The following CNBD1 variants were observed in gnomAD, a reference collection of about 807,000 sequenced individuals.
CNBD1 encodes cyclic nucleotide binding domain containing 1.
In CNBD1, 71 loss-of-function variants were observed where a neutral mutation model predicts 54.4. That is an observed-to-expected ratio of 1.30 (90% CI 1.08 to 1.59). The LOEUF (loss-of-function observed/expected upper bound fraction) is 1.59, where lower values mean the gene tolerates loss of function less well. Among genes scored for constraint, CNBD1 ranks in the 40% most tolerant of loss-of-function variants. The probability of loss-of-function intolerance (pLI) is 0.00; values close to 1 mark genes in which losing one functional copy is unlikely to be tolerated. For missense variants in CNBD1, 659 were observed against 518.0 expected, an observed-to-expected ratio of 1.27 and a Z score of -2.64; for synonymous variants, 182 against 170.7, an observed-to-expected ratio of 1.07 and a Z score of -0.51.
chr8:86,886,595 A>T (rs1333362387), intron 1 of CNBD1, among the ~76,000 whole-genome samples: 1 of 152,200 alleles, frequency 6.6e-6, no homozygotes, highest in African/African-American at 2.4e-5. Context: ...AGGATCACAA[A>T]ATTTTTATAC....
At chr8:87,396,638 C>G (rs1389369160) in intron 2 of CNBD1, among the ~76,000 whole-genome samples, 2 of 151,750 alleles carry the variant, frequency 1.3e-5, no homozygotes, top group African/African-American at 4.8e-5. Flanking sequence ...TCCAGTTCTA[C>G]TATAACCTAT....
At chr8:87,355,864 G>A (rs1047547706) in intron 10 of CNBD1, among the ~76,000 whole-genome samples, 1 of 152,080 alleles carries the variant, frequency 6.6e-6, no homozygotes, top group African/African-American at 2.4e-5. Flanking sequence ...CAGCCTAATG[G>A]GAGGTTTTTG....
intron 2 of CNBD1, among the ~76,000 whole-genome samples, chr8:87,425,150 G>A (rs958154665): frequency 8.6e-5 from 13 of 152,046 alleles, no homozygotes; most frequent in South Asian, 8.3e-4. Flanking sequence ...CGTAGTTCTC[G>A]GGCCTTGGTT....
At chr8:87,067,164 G>T (rs1399383253) in intron 4 of CNBD1, among the ~76,000 whole-genome samples, 1 of 151,958 alleles carries the variant, frequency 6.6e-6, no homozygotes, top group African/African-American at 2.4e-5. Flanking sequence ...CAATTGTTTA[G>T]AGATAGAATG....
At chr8:87,001,063 A>G (rs1047816706) in intron 4 of CNBD1, among the ~76,000 whole-genome samples, 4 of 152,016 alleles carry the variant, frequency 2.6e-5, no homozygotes, top group African/African-American at 9.7e-5. Flanking sequence ...ACAAACAATT[A>G]TCATTATATT....
At chr8:87,226,849 C>T (rs1219935238) in intron 5 of CNBD1, among the ~76,000 whole-genome samples, 1 of 151,238 alleles carries the variant, frequency 6.6e-6, no homozygotes, top group Non-Finnish European at 1.5e-5. Flanking sequence ...GTGTTAAAGT[C>T]TCCCATTATT....
At chr8:87,346,777 T>C (rs910245002) in intron 8 of CNBD1, among the ~76,000 whole-genome samples, 5 of 152,320 alleles carry the variant, frequency 3.3e-5, no homozygotes, top group African/African-American at 7.2e-5. Context: ...ATAAGGTTAA[T>C]TCATTCAGAA....
chr8:87,389,771 A>G (rs907749807), intron 2 of CNBD1, among the ~76,000 whole-genome samples: 3 of 152,186 alleles, frequency 2.0e-5, no homozygotes, highest in Non-Finnish European at 2.9e-5. Flanking sequence ...TGGAACCAAA[A>G]AGGAGCCCGC....
chr8:87,170,154 CTTTA>C (rs1184053808), intron 4 of CNBD1, among the ~76,000 whole-genome samples: 1 of 151,848 alleles, frequency 6.6e-6, no homozygotes, highest in East Asian at 1.9e-4. Flanking sequence ...TATATTTTAA[CTTTA>C]TTTGTAGCTA....
At chr8:86,972,948 C>T (rs1808259396) in intron 4 of CNBD1, among the ~76,000 whole-genome samples, 1 of 152,166 alleles carries the variant, frequency 6.6e-6, no homozygotes, top group Admixed American at 6.5e-5. Context: ...CTTGCTGTCC[C>T]CTCATCCCCT....
rs992414762 is a variant in CNBD1 at position 87,326,381 on chromosome 8, T to C, written c.1043-25304T>C. ...GCTAGATTGGGGAAGTTCTCCTGGA[T>C]AATATCCTGTAGAGTGTTTTCCAAC... is the stretch of plus-strand genomic sequence containing the variant. On this transcript the variant is annotated intron_variant, in intron 8 of 10. Transcript: ENST00000518476. 1.9e-4 allele frequency among the ~76,000 whole-genome samples: 24 copies of C among 126,450 alleles called. 3 individuals carry two copies. Among genetic ancestry groups the C allele is most frequent in the Admixed American group, 1.8e-3 (24 of 13,018 alleles). The allele number at this position is 126,450 out of a possible 152,430, so 83.0% of individuals were successfully genotyped here.
chr8:86,980,264 T>C (rs1808451612), intron 4 of CNBD1, among the ~76,000 whole-genome samples: 1 of 152,242 alleles, frequency 6.6e-6, no homozygotes, highest in Admixed American at 6.5e-5. Flanking sequence ...GGGAGAAGTA[T>C]TGCTTGCTGC....
intron 8 of CNBD1, among the ~76,000 whole-genome samples, chr8:87,345,514 G>T (rs532846736): frequency 7.2e-5 from 11 of 152,186 alleles, no homozygotes; most frequent in African/African-American, 2.6e-4. Context: ...TGGGTCAATT[G>T]TCAGTCTTTT....
At chr8:87,049,943 A>G (rs1378905687) in intron 4 of CNBD1, among the ~76,000 whole-genome samples, 1 of 152,202 alleles carries the variant, frequency 6.6e-6, no homozygotes, top group East Asian at 1.9e-4. Flanking sequence ...GACTGCTGGG[A>G]TGGACCTTGG....
intron 4 of CNBD1, among the ~76,000 whole-genome samples, chr8:87,194,127 T>G (rs1468474090): frequency 2.0e-5 from 3 of 152,192 alleles, no homozygotes; most frequent in Admixed American, 6.5e-5. Context: ...CTTATGAGAA[T>G]CTAATGATTA....
chr8:87,238,813 G>T (rs1256616789), intron 6 of CNBD1, among the ~76,000 whole-genome samples: 2 of 151,972 alleles, frequency 1.3e-5, no homozygotes, highest in African/African-American at 4.8e-5. Flanking sequence ...AGAACCCTGG[G>T]ATTAGATCAT....
intron 1 of CNBD1, among the ~76,000 whole-genome samples, chr8:86,867,202 C>A (rs1190789251): frequency 6.6e-6 from 1 of 151,702 alleles, no homozygotes; most frequent in Admixed American, 6.6e-5. Context: ...ATTGTAAACA[C>A]TTCTCATGGC....
At chr8:87,145,850 C>A (rs1397825828) in intron 4 of CNBD1, among the ~76,000 whole-genome samples, 1 of 152,074 alleles carries the variant, frequency 6.6e-6, no homozygotes, top group East Asian at 1.9e-4. Flanking sequence ...ATTTAACAGT[C>A]CCAATTTATA....
intron 4 of CNBD1, among the ~76,000 whole-genome samples, chr8:87,121,191 A>T (rs189744917): frequency 6.6e-6 from 1 of 151,954 alleles, no homozygotes; most frequent in Admixed American, 6.5e-5. Flanking sequence ...CAAACTTGAA[A>T]GGCTAAATAT....
Sources: gnomAD v4.1 joint callset for allele counts (sites outside exome capture counted in the v4.1 genomes callset) on GRCh38, gnomAD v4.1.1 for gene constraint, MANE v1.5 for transcripts, NCBI Gene and HGNC (gene_info 2026-07-23, HGNC 2026-07-21) for gene names.